Variants in ARHGAP44 observed in about 807,000 individuals in gnomAD.
The protein encoded by ARHGAP44 is rho GTPase-activating protein 44.
A neutral mutation model predicts 106.8 loss-of-function variants in ARHGAP44; 43 were observed. The ratio of observed to expected loss-of-function variants is 0.40; its 90% CI spans 0.32 to 0.52. ARHGAP44 has a LOEUF of 0.52. Ranked by LOEUF, ARHGAP44 falls within the 20% of genes least tolerant of loss-of-function variation. ARHGAP44 has a pLI of 0.48. For synonymous variants in ARHGAP44, 439 were observed against 410.3 expected (o/e 1.07, Z -0.85); for missense variants, 866 against 1,050.5 (o/e 0.82, Z 2.43).
At chr17:12,861,371 T>G (rs1420285769) in intron 1 of ARHGAP44, among the ~76,000 whole-genome samples, 1 of 152,146 alleles carries the variant, frequency 6.6e-6, no homozygotes, top group Non-Finnish European at 1.5e-5. Flanking sequence ...ATTTATCATC[T>G]TACAGTTCTG....
At chr17:12,867,112 A>T (rs1477236693) in intron 1 of ARHGAP44, among the ~76,000 whole-genome samples, 1 of 151,368 alleles carries the variant, frequency 6.6e-6, no homozygotes, top group Non-Finnish European at 1.5e-5. Context: ...ACAGAAAGTG[A>T]GAGGAGAGAT....
chr17:12,845,517 A>ACAAAAC (rs1555546590), intron 1 of ARHGAP44, among the ~76,000 whole-genome samples: 1 of 141,932 alleles, frequency 7.0e-6, no homozygotes, highest in South Asian at 2.2e-4. Context: ...AAAAAAAAAA[A>ACAAAAC]AAAAACAAAA....
chr17:12,912,894 T>G (rs1253506709), intron 4 of ARHGAP44, among the ~76,000 whole-genome samples: 1 of 152,138 alleles, frequency 6.6e-6, no homozygotes, highest in East Asian at 1.9e-4. Context: ...CTATTCTTTC[T>G]CAGCAAGCTA....
At position 12,974,274 on chromosome 17, in the gene ARHGAP44, C is replaced by G. The variant is rs1346732124; in HGVS notation, c.1727C>G (p.Ser576Cys). ...CCCGCGGCCCCCGCGCTCTCTCCAT[C>G]CGGCCTGGGCCTCCAGCCTGGGCCC... ...DSPAAPALSPSGLGLQPGPER... is the reference protein window; with the variant it reads ...DSPAAPALSPCGLGLQPGPER... Residue 576 changes from serine to cysteine, a missense_variant, in exon 18 of 21, where the codon TCC becomes TGC. Transcript: ENST00000379672. 1 of 1,484,618 alleles carries G rather than the reference C, an allele frequency of 6.7e-7. No homozygotes were observed. Among genetic ancestry groups the G allele is most frequent in the South Asian group, 1.3e-5 (1 of 74,086 alleles). 92.0% of individuals were successfully genotyped at this position (1,484,618 alleles called of 1,614,324 possible).
intron 6 of ARHGAP44, among the ~76,000 whole-genome samples, chr17:12,923,141 C>A (rs139748298): frequency 6.6e-6 from 1 of 152,144 alleles, no homozygotes; most frequent in South Asian, 2.1e-4. Flanking sequence ...TTTATCACAT[C>A]GGTGATTTTT....
At chr17:12,863,273 G>A (rs2036143590) in intron 1 of ARHGAP44, among the ~76,000 whole-genome samples, 1 of 151,942 alleles carries the variant, frequency 6.6e-6, no homozygotes, top group Non-Finnish European at 1.5e-5. Context: ...AGACTGCTTG[G>A]AAACAGCCCA....
chr17:12,827,109 T>C (rs1343041685), intron 1 of ARHGAP44, among the ~76,000 whole-genome samples: 1 of 152,188 alleles, frequency 6.6e-6, no homozygotes, highest in African/African-American at 2.4e-5. Flanking sequence ...TGACATACTA[T>C]CATTTTTGGT....
chr17:12,942,750 G>A (rs2038743210), intron 8 of ARHGAP44, among the ~76,000 whole-genome samples: 1 of 152,202 alleles, frequency 6.6e-6, no homozygotes, highest in African/African-American at 2.4e-5. Flanking sequence ...CCAGTTTTGG[G>A]GAAGGGATAG....
intron 4 of ARHGAP44, among the ~76,000 whole-genome samples, chr17:12,910,395 G>A (rs141983059): frequency 6.7e-6 from 1 of 149,656 alleles, no homozygotes; most frequent in Admixed American, 6.7e-5. Flanking sequence ...CATACACATG[G>A]AAGAACTCAG....
At chr17:12,973,399 A>G (rs1166634322) in intron 17 of ARHGAP44, 80 bp downstream of exon 17, 3 of 1,475,460 alleles carry the variant, frequency 2.0e-6, no homozygotes, top group African/African-American at 1.4e-5. Context: ...GAGTTCCACC[A>G]GAGGGTGAAT....
rs2036711960 is a variant in ARHGAP44, at chr17:12,880,738, T to C, written c.54-14202T>C. ...ATGAGTATAGTGGAAAAGATTAGTG[T>C]GCATCACATGTAGAGGGAATATTGT... On this transcript the variant is annotated intron_variant, in intron 1 of 20. Transcript: ENST00000379672. Among the ~76,000 whole-genome samples the C allele has an allele frequency of 2.0e-5, 3 of 152,128 alleles. No individual in the cohort carries two copies. In the South Asian group the frequency reaches 6.2e-4, roughly 32 times the overall value.
chr17:12,946,457 G>A lies in ARHGAP44; in HGVS notation c.861+2261G>A, dbSNP rs112511168. Among the ~76,000 whole-genome samples the A allele has an allele frequency of 4.4e-3, 648 of 147,790 alleles. 8 individuals carry two copies. Among genetic ancestry groups the A allele is most frequent in the African/African-American group, 0.015 (614 of 39,654 alleles). On this transcript the variant is annotated intron_variant, in intron 10 of 20. Transcript: ENST00000379672. Reference sequence around the variant, plus strand: ...GCCCAGGAGTTCAAGACCAGCCTGGGCAACATAGTGAGATGCTCTCTAAAA... The same window carrying A: ...GCCCAGGAGTTCAAGACCAGCCTGGACAACATAGTGAGATGCTCTCTAAAA...
rs1007923188 is a variant in ARHGAP44, at chr17:12,949,036, C to G, written c.862-104C>G. 90 of 1,120,818 alleles carry G rather than the reference C, an allele frequency of 8.0e-5. No homozygotes were observed. The highest frequency in any genetic ancestry group is 1.1e-4 in the Non-Finnish European group (86 of 769,936). 69.4% of individuals were successfully genotyped at this position (1,120,818 alleles called of 1,614,324 possible). A position where few individuals can be genotyped will look rare whatever the true frequency, so the allele number is the denominator to read the frequency against. On this transcript the variant is annotated intron_variant, in intron 10 of 20. Transcript: ENST00000379672. This position sits in a 1 kb window ranked among gnomAD's most constrained non-coding sequence, Gnocchi z 4.1. The stretch of plus-strand genomic sequence containing the variant: ...ATTGGGAGATGGTGTTGGGCAAATG[C>G]ATGTAAGAGGTTTTGGAGAAAAGAA...
intron 3 of ARHGAP44, among the ~76,000 whole-genome samples, chr17:12,898,282 C>T (rs942453830): frequency 6.6e-6 from 1 of 152,056 alleles, no homozygotes. Context: ...GTGTGACAGC[C>T]CCTTAGAGGA....
chr17:12,867,476 G>T (rs2150876048), intron 1 of ARHGAP44, among the ~76,000 whole-genome samples: 1 of 152,230 alleles, frequency 6.6e-6, no homozygotes, highest in Non-Finnish European at 1.5e-5. Context: ...AGCGGGGCAG[G>T]CTTCCCAGGG....
intron 6 of ARHGAP44, among the ~76,000 whole-genome samples, chr17:12,920,685 A>G (rs185629183): frequency 1.3e-5 from 2 of 152,178 alleles, no homozygotes; most frequent in African/African-American, 2.4e-5. Context: ...TGTCCTGTCC[A>G]TTACAGGAAA....
At chr17:12,845,523 C>CAAA (rs370128532) in intron 1 of ARHGAP44, among the ~76,000 whole-genome samples, 2 of 140,990 alleles carry the variant, frequency 1.4e-5, no homozygotes, top group Non-Finnish European at 1.5e-5. Context: ...AAAAAAAAAA[C>CAAA]AAAAAAACAA....
At chr17:12,974,483 T>C (rs1396655460) in intron 18 of ARHGAP44, among the ~76,000 whole-genome samples, 173 bp downstream of exon 18, 1 of 152,132 alleles carries the variant, frequency 6.6e-6, no homozygotes, top group African/African-American at 2.4e-5. Context: ...CATCCACAGC[T>C]GCCTGGATTA....
Position 12,876,275 on chromosome 17 carries a change from T to G in ARHGAP44, c.54-18665T>G, listed in dbSNP as rs116108481. Reference sequence around the variant, plus strand: ...CCTGTTCGGCTTGCTTACCTTGCTTTACTAATTCCCTCCCACGAAAACCAC... The same window carrying G: ...CCTGTTCGGCTTGCTTACCTTGCTTGACTAATTCCCTCCCACGAAAACCAC... On this transcript the variant is annotated intron_variant, in intron 1 of 20. Coordinates refer to ENST00000379672, the MANE Select transcript of ARHGAP44 (RefSeq NM_014859.6). Among the ~76,000 whole-genome samples the G allele has an allele frequency of 5.6e-3, 859 of 152,266 alleles. 10 individuals carry two copies. The highest frequency in any genetic ancestry group is 0.02 in the African/African-American group (820 of 41,538).
Sources: allele counts gnomAD v4.1 joint callset (sites outside exome capture counted in the v4.1 genomes callset), GRCh38; gene constraint gnomAD v4.1.1; non-coding constraint Gnocchi (gnomAD v3.1); transcripts MANE v1.5; gene names NCBI Gene and HGNC (gene_info 2026-07-23, HGNC 2026-07-21).